MID1: variants seen among roughly 807,000 people sequenced by gnomAD.
The protein encoded by MID1 is E3 ubiquitin-protein ligase Midline-1.
Under a neutral mutation model 40.4 loss-of-function variants are expected in MID1, and 7 were observed. That is an observed-to-expected ratio of 0.17 (90% CI 0.10 to 0.33). The LOEUF is 0.33. Ranked by LOEUF, MID1 falls within the 10% of genes least tolerant of loss-of-function variation. The pLI is 1.00. For missense variants in MID1, 367 were observed against 558.5 expected (o/e 0.66, Z 3.46); for synonymous variants, 229 against 221.2 (o/e 1.04, Z -0.31).
At chrX:10,622,428 A>G (rs977727754), upstream of MID1, among the ~76,000 whole-genome samples, 17 of 111,691 alleles carry the variant, frequency 1.5e-4, no homozygotes, top group African/African-American at 5.2e-4. Context: ...TTCCATTTTT[A>G]TTCTCCTTTG....
chrX:10,547,376 C>T (rs982776420), intron 2 of MID1, among the ~76,000 whole-genome samples: 145 of 109,102 alleles, frequency 1.3e-3, no homozygotes, highest in Non-Finnish European at 1.6e-3. Flanking sequence ...AGTTTGAGAC[C>T]AGCCTGACCA....
In MID1 at chrX:10,472,567, G is replaced by GTCTT. The variant is rs780477659; in HGVS notation, c.1141+2052_1141+2055dup. Among the ~76,000 whole-genome samples the GTCTT allele has an allele frequency of 2.8e-3, 319 of 112,722 alleles. 1 individual carries two copies. Among genetic ancestry groups the GTCTT allele is most frequent in the African/African-American group, 0.01 (314 of 31,102 alleles). ...GCCTAGGCAAATACTTAATTTTCCA[G>GTCTT]TCTTTTCTGTCCCTGGACATGACCT... On this transcript the variant is annotated intron_variant, in intron 6 of 9. Transcript: ENST00000317552.
chrX:10,454,457 G>A (rs1307280494), intron 9 of MID1, among the ~76,000 whole-genome samples: 1 of 111,662 alleles, frequency 9.0e-6, no homozygotes, highest in Non-Finnish European at 1.9e-5. Flanking sequence ...TGCTGTTGTG[G>A]CTGAAAGGCA....
chrX:10,572,098 C>G lies in MID1; in HGVS notation c.-56-4495G>C, dbSNP rs936367916. On this transcript the variant is annotated intron_variant, in intron 1 of 9. Coordinates refer to ENST00000317552, the MANE Select transcript of MID1 (RefSeq NM_000381.4). ...GAATTTTATGCAAAATGTTATCTTT[C>G]TTTTCACTCTCTCTCTCTCTCTCTC... is the stretch of plus-strand genomic sequence containing the variant. 5.6e-4 allele frequency among the ~76,000 whole-genome samples: 55 copies of G among 98,174 alleles called. No individual in the cohort carries two copies. In the Admixed American group the frequency reaches 5.9e-3, roughly 11 times the overall value. The allele number at this position is 98,174 out of a possible 115,157, so 85.3% of individuals were successfully genotyped here.
chrX:10,570,607 C>T (rs925209531), intron 1 of MID1, among the ~76,000 whole-genome samples: 8 of 112,548 alleles, frequency 7.1e-5, no homozygotes, highest in African/African-American at 2.6e-4. Context: ...GAATCAAACA[C>T]AGCCCTTGAC....
chrX:10,694,427 A>G (rs1043538311), intron 1 of MID1, among the ~76,000 whole-genome samples: 1 of 112,249 alleles, frequency 8.9e-6, no homozygotes, highest in Non-Finnish European at 1.9e-5. Context: ...TGCATGCACA[A>G]TGTGTGTGTA....
At chrX:10,504,898 G>A (rs981137449) in intron 3 of MID1, among the ~76,000 whole-genome samples, 14 of 111,353 alleles carry the variant, frequency 1.3e-4, no homozygotes, top group African/African-American at 4.2e-4. Flanking sequence ...GGACGTGGCT[G>A]TGTTCAAATA....
intron 1 of MID1, among the ~76,000 whole-genome samples, chrX:10,585,440 C>T (rs1227881518): frequency 1.8e-5 from 2 of 111,944 alleles, no homozygotes; most frequent in Non-Finnish European, 3.8e-5. Context: ...GGGCTATATG[C>T]TCGGCTAATT....
intron 3 of MID1, among the ~76,000 whole-genome samples, chrX:10,517,783 C>T (rs918612846): frequency 4.4e-5 from 5 of 112,505 alleles, no homozygotes; most frequent in Admixed American, 9.4e-5. Flanking sequence ...ATGTTACCTA[C>T]CCTTGAAGGC....
chrX:10,547,613 GTAA>G (rs1933743306), intron 2 of MID1, among the ~76,000 whole-genome samples: 6 of 85,601 alleles, frequency 7.0e-5, no homozygotes, highest in African/African-American at 1.7e-4. Flanking sequence ...AGAAGGGAGG[GTAA>G]AGAAAGGAAG....
intron 1 of MID1, among the ~76,000 whole-genome samples, chrX:10,662,488 T>C (rs182200286): frequency 1.3e-4 from 14 of 111,048 alleles, no homozygotes; most frequent in Non-Finnish European, 2.6e-4. Flanking sequence ...TAAATGTCCA[T>C]TCATATTTCA....
At chrX:10,758,120 T>A (rs2043645628) in intron 1 of MID1, among the ~76,000 whole-genome samples, 2 of 103,148 alleles carry the variant, frequency 1.9e-5, no homozygotes, top group Middle Eastern at 5.1e-3. Flanking sequence ...TATGCCAGCA[T>A]GCCCTGCTTT....
chrX:10,496,965 G>C (rs1156431386), intron 3 of MID1, among the ~76,000 whole-genome samples: 1 of 112,387 alleles, frequency 8.9e-6, no homozygotes. Context: ...AATGAACAAA[G>C]AGAAAAATTA....
intron 3 of MID1, among the ~76,000 whole-genome samples, chrX:10,510,558 C>G (rs1376705368): frequency 1.8e-5 from 2 of 111,430 alleles, no homozygotes; most frequent in Non-Finnish European, 3.8e-5. Context: ...CCAGGCCGGG[C>G]GTGGTGGCTC....
intron 3 of MID1, chrX:10,506,257 G>A (rs1931824533): frequency 1.0e-6 from 1 of 1,004,800 alleles, no homozygotes; most frequent in Non-Finnish European, 1.3e-6. Flanking sequence ...TAGAAAAAGA[G>A]ACTTGTGCTA....
intron 2 of MID1, among the ~76,000 whole-genome samples, chrX:10,556,120 C>A (rs1352253869): frequency 3.6e-5 from 4 of 111,416 alleles, no homozygotes; most frequent in African/African-American, 1.3e-4. Flanking sequence ...AAAGCTAGCC[C>A]CCTGAGCTCG....
chrX:10,558,781 T>C (rs957519868), intron 2 of MID1, among the ~76,000 whole-genome samples: 7 of 112,794 alleles, frequency 6.2e-5, no homozygotes, highest in African/African-American at 2.3e-4. Flanking sequence ...TTAGCCCTGT[T>C]TTATAGACGA....
intron 1 of MID1, among the ~76,000 whole-genome samples, chrX:10,686,798 G>A (rs181708360): frequency 8.9e-6 from 1 of 112,228 alleles, no homozygotes; most frequent in African/African-American, 3.2e-5. Flanking sequence ...TGGAACAAGC[G>A]TTGCAGATCA....
At chrX:10,766,143 A>G (rs1019536487) in intron 1 of MID1, among the ~76,000 whole-genome samples, 2 of 111,419 alleles carry the variant, frequency 1.8e-5, no homozygotes, top group African/African-American at 6.5e-5. Flanking sequence ...GACATAAGAA[A>G]AAGACCAACA....
Sources: allele counts gnomAD v4.1 joint callset (sites outside exome capture counted in the v4.1 genomes callset), GRCh38; gene constraint gnomAD v4.1.1; transcripts MANE v1.5; gene names NCBI Gene and HGNC (gene_info 2026-07-23, HGNC 2026-07-21).